Variants in SDK1 observed in about 807,000 individuals in gnomAD.
SDK1 encodes sidekick cell adhesion molecule 1.
Under a neutral mutation model 245.5 loss-of-function variants are expected in SDK1, and 157 were observed. That is an observed-to-expected ratio of 0.64 (90% confidence interval 0.56 to 0.73). SDK1 has a LOEUF of 0.73. Ranked by LOEUF, SDK1 falls within the 30% of genes least tolerant of loss-of-function variation. SDK1 has a pLI of 0.00. For synonymous variants in SDK1, 1,647 were observed against 1,278.5 expected (o/e 1.29, Z -6.15); for missense variants, 3,583 against 3,002.3 (o/e 1.19, Z -4.52).
intron 4 of SDK1, among the ~76,000 whole-genome samples, chr7:3,798,418 C>T (rs138312717): frequency 0.097 from 14,797 of 151,914 alleles, 1,150 homozygotes; most frequent in African/African-American, 0.22. Flanking sequence ...AGGGTTTCAC[C>T]GTGTTAGCCA....
At chr7:3,302,326 C>T (rs1482520707) in intron 1 of SDK1, 2 of 152,194 alleles carry the variant, frequency 1.3e-5, no homozygotes, top group Non-Finnish European at 2.9e-5. Flanking sequence ...TTTTCCAGCC[C>T]CTCCCCAGGG....
At chr7:4,061,864 C>G (rs892645200) in intron 19 of SDK1, among the ~76,000 whole-genome samples, 1 of 151,306 alleles carries the variant, frequency 6.6e-6, no homozygotes, top group Admixed American at 6.6e-5. Context: ...TCATCATTCT[C>G]AGTAAACTAT....
intron 1 of SDK1, among the ~76,000 whole-genome samples, chr7:3,447,400 C>A (rs1780372098): frequency 6.6e-6 from 1 of 151,234 alleles, no homozygotes; most frequent in Non-Finnish European, 1.5e-5. Context: ...ATACTCTTCC[C>A]CATGCTCAAA....
intron 5 of SDK1, among the ~76,000 whole-genome samples, chr7:3,875,302 C>A (rs1185830989): frequency 2.0e-5 from 3 of 152,178 alleles, no homozygotes; most frequent in African/African-American, 7.2e-5. Context: ...AGAGTGAGAG[C>A]AATGTTCTTT....
chr7:3,748,105 T>C (rs920792971), intron 4 of SDK1, among the ~76,000 whole-genome samples: 3 of 152,192 alleles, frequency 2.0e-5, no homozygotes, highest in African/African-American at 7.2e-5. Flanking sequence ...TAAATGATAT[T>C]TTAATGATAA....
intron 7 of SDK1, 152 bp from the exon 8 acceptor site, chr7:3,958,779 C>T (rs1781455090): frequency 1.5e-6 from 1 of 671,074 alleles, no homozygotes; most frequent in Non-Finnish European, 2.6e-6. Flanking sequence ...TTGGCCTGTG[C>T]TCACTGAGTT....
chr7:3,309,284 G>A (rs1034379357), intron 1 of SDK1, among the ~76,000 whole-genome samples: 3 of 151,920 alleles, frequency 2.0e-5, no homozygotes, highest in Admixed American at 2.0e-4. Context: ...TACAATGGAT[G>A]TCAGTGTTGA....
intron 1 of SDK1, among the ~76,000 whole-genome samples, chr7:3,441,042 C>T (rs780020697): frequency 4.6e-5 from 7 of 152,138 alleles, no homozygotes; most frequent in African/African-American, 9.7e-5. Context: ...ACAATGCATA[C>T]GTCTTTCACC....
chr7:4,253,841 T>C (rs568244013), intron 44 of SDK1, among the ~76,000 whole-genome samples: 1 of 152,354 alleles, frequency 6.6e-6, no homozygotes, highest in South Asian at 2.1e-4. Flanking sequence ...TTGATATATT[T>C]ACCATTTTAT....
At chr7:4,123,983 C>T (rs1784227653) in intron 25 of SDK1, among the ~76,000 whole-genome samples, 2 of 152,196 alleles carry the variant, frequency 1.3e-5, no homozygotes, top group Admixed American at 1.3e-4. Context: ...TTCAGAGACC[C>T]CACAGGGTGT....
rs556924746 is a variant in SDK1, at chr7:3,865,535, G to C, written c.847+43952G>C. On this transcript the variant is annotated intron_variant, in intron 5 of 44. Transcript: ENST00000404826. ...TGTTTTATTTTATTTTGGAGACAAG[G>C]TCTCGCTCTGTCGCCCAGGTTGGAG... Among the ~76,000 whole-genome samples, 111 of 152,126 alleles carry C rather than the reference G, an allele frequency of 7.3e-4. 1 individual carries two copies. The highest frequency in any genetic ancestry group is 9.6e-4 in the Non-Finnish European group (65 of 68,032).
At chr7:4,027,294 C>A (rs1303946185) in intron 17 of SDK1, among the ~76,000 whole-genome samples, 1 of 152,176 alleles carries the variant, frequency 6.6e-6, no homozygotes, top group Non-Finnish European at 1.5e-5. Context: ...GGTGGTGTTG[C>A]TTTAGTAAAT....
chr7:4,009,831 A>T (rs1785795341), intron 14 of SDK1, among the ~76,000 whole-genome samples: 1 of 152,224 alleles, frequency 6.6e-6, no homozygotes, highest in Non-Finnish European at 1.5e-5. Context: ...GGAGCAATTT[A>T]TGGCCACTGC....
At chr7:4,113,264 C>G in intron 23 of SDK1, 25 bp from the exon 24 acceptor site, 1 of 1,606,148 alleles carries the variant, frequency 6.2e-7, no homozygotes. Flanking sequence ...TTTGCCGTGA[C>G]TCTCATCAGT....
At chr7:4,050,444 C>T (rs1001620346) in intron 18 of SDK1, among the ~76,000 whole-genome samples, 6 of 152,306 alleles carry the variant, frequency 3.9e-5, no homozygotes, top group African/African-American at 1.4e-4. Context: ...GTCTCGTTGG[C>T]AAGGCTGCAG....
chr7:3,485,832 G>C (rs1220684469), intron 1 of SDK1, among the ~76,000 whole-genome samples: 89 of 151,382 alleles, frequency 5.9e-4, no homozygotes, highest in Non-Finnish European at 2.9e-5. Context: ...TCCAACTATG[G>C]TGGCTTTCTA....
intron 1 of SDK1, among the ~76,000 whole-genome samples, chr7:3,309,225 T>C (rs1219714958): frequency 2.0e-5 from 3 of 152,128 alleles, no homozygotes; most frequent in Non-Finnish European, 4.4e-5. Context: ...TTAGGCGCGA[T>C]GCAAAAAGAA....
At chr7:3,830,746 C>T (rs1779893804) in intron 5 of SDK1, among the ~76,000 whole-genome samples, 1 of 152,326 alleles carries the variant, frequency 6.6e-6, no homozygotes, top group East Asian at 1.9e-4. Flanking sequence ...GTCGTCCTGT[C>T]TCGGCCTCCC....
intron 4 of SDK1, among the ~76,000 whole-genome samples, chr7:3,652,544 G>T (rs867238781): frequency 6.6e-6 from 1 of 152,168 alleles, no homozygotes; most frequent in African/African-American, 2.4e-5. Context: ...GATTTCTCGT[G>T]GATTTTTATT....
Sources: gnomAD v4.1 joint callset for allele counts (sites outside exome capture counted in the v4.1 genomes callset) on GRCh38, gnomAD v4.1.1 for gene constraint, MANE v1.5 for transcripts, NCBI Gene and HGNC (gene_info 2026-07-23, HGNC 2026-07-21) for gene names.